Variants in RBFOX1 observed in about 807,000 individuals in gnomAD.
The protein encoded by RBFOX1 is RNA binding fox-1 homolog 1.
Under a neutral mutation model 57.7 loss-of-function variants are expected in RBFOX1, and 8 were observed. The ratio of observed to expected loss-of-function variants is 0.14; its 90% confidence interval spans 0.08 to 0.25. The LOEUF is 0.25. Ranked by LOEUF, RBFOX1 falls within the 10% of genes least tolerant of loss-of-function variation. RBFOX1 has a pLI of 1.00. For missense variants in RBFOX1, 611 were observed against 548.5 expected, an observed-to-expected ratio of 1.11 and a Z score of -1.14; for synonymous variants, 326 against 222.4, an observed-to-expected ratio of 1.47 and a Z score of -4.15.
At position 7,691,818 on chromosome 16, in the gene RBFOX1, T is replaced by C. The variant is rs987124873; in HGVS notation, c.995+14980T>C. ...ATTGGGTAGAGCTGCCCCACCCTCC[T>C]GCCATAGATATGTGAATGCCTAGTG... is the stretch of plus-strand genomic sequence containing the variant. On this transcript the variant is annotated intron_variant, in intron 14 of 15. Coordinates refer to ENST00000550418, the MANE Select transcript of RBFOX1 (RefSeq NM_018723.4). Among the ~76,000 whole-genome samples the C allele has an allele frequency of 4.6e-5, 7 of 152,134 alleles. 1 individual carries two copies. Among genetic ancestry groups the C allele is most frequent in the Admixed American group, 3.9e-4 (6 of 15,248 alleles).
chr16:7,235,523 C>T (rs930072304), intron 4 of RBFOX1, among the ~76,000 whole-genome samples: 37 of 152,230 alleles, frequency 2.4e-4, no homozygotes, highest in African/African-American at 7.7e-4. Context: ...TATGGGCCCC[C>T]GTAGCTTCAT....
chr16:6,599,487 C>G (rs991789059), intron 2 of RBFOX1, among the ~76,000 whole-genome samples: 1 of 152,082 alleles, frequency 6.6e-6, no homozygotes, highest in Non-Finnish European at 1.5e-5. Flanking sequence ...AAGCGACACA[C>G]CTAAAGGGCT....
chr16:6,510,543 C>T (rs966587407), intron 2 of RBFOX1, among the ~76,000 whole-genome samples: 2 of 152,182 alleles, frequency 1.3e-5, no homozygotes, highest in Admixed American at 1.3e-4. Context: ...TCACTGACTA[C>T]CCAAGCAATT....
At chr16:6,197,735 T>A (rs1231624792) in intron 1 of RBFOX1, among the ~76,000 whole-genome samples, 3 of 152,072 alleles carry the variant, frequency 2.0e-5, no homozygotes, top group African/African-American at 7.2e-5. Flanking sequence ...GATTATTGCG[T>A]CACCCAGGTA....
chr16:5,886,625 C>T (rs542825750), intron 4 of RBFOX1, among the ~76,000 whole-genome samples: 6 of 152,322 alleles, frequency 3.9e-5, no homozygotes, highest in South Asian at 4.1e-4. Context: ...CGGTGGCTCA[C>T]GCCTGTCATC....
intron 2 of RBFOX1, among the ~76,000 whole-genome samples, chr16:6,512,247 G>A (rs1472128437): frequency 3.9e-5 from 5 of 128,206 alleles, no homozygotes; most frequent in Admixed American, 2.9e-4. Context: ...TCACACCACT[G>A]CATTCCAGCC....
intron 2 of RBFOX1, among the ~76,000 whole-genome samples, chr16:5,596,493 C>G (rs549975027): frequency 1.4e-3 from 210 of 152,246 alleles, no homozygotes; most frequent in African/African-American, 4.9e-3. Context: ...TTCATGCTGC[C>G]TGGGGCAGGA....
intron 4 of RBFOX1, among the ~76,000 whole-genome samples, chr16:7,452,544 A>G (rs1038186122): frequency 2.6e-5 from 4 of 152,220 alleles, no homozygotes; most frequent in Non-Finnish European, 5.9e-5. Context: ...TCAATGCCTC[A>G]GATCCGGGGT....
At chr16:5,576,224 T>C (rs1375774426) in intron 2 of RBFOX1, among the ~76,000 whole-genome samples, 1 of 152,334 alleles carries the variant, frequency 6.6e-6, no homozygotes. Flanking sequence ...TGACCTCAAG[T>C]GATCCAGGCT....
intron 4 of RBFOX1, among the ~76,000 whole-genome samples, chr16:5,999,306 C>G (rs1035948118): frequency 6.6e-6 from 1 of 152,198 alleles, no homozygotes; most frequent in Admixed American, 6.5e-5. Context: ...CTTCCCCAAA[C>G]TAACTTTGGC....
At chr16:7,148,493 C>A (rs2075476944) in intron 4 of RBFOX1, among the ~76,000 whole-genome samples, 1 of 152,190 alleles carries the variant, frequency 6.6e-6, no homozygotes, top group African/African-American at 2.4e-5. Context: ...TTTCACACGC[C>A]GGCAGGAGGC....
intron 1 of RBFOX1, among the ~76,000 whole-genome samples, chr16:6,113,323 A>T (rs2096465221): frequency 6.6e-6 from 1 of 152,220 alleles, no homozygotes; most frequent in Non-Finnish European, 1.5e-5. Flanking sequence ...AAAGCAAGTT[A>T]TGTGGCCAAA....
chr16:7,399,941 C>T (rs773851206), intron 4 of RBFOX1, among the ~76,000 whole-genome samples: 7 of 152,120 alleles, frequency 4.6e-5, no homozygotes, highest in East Asian at 3.9e-4. Flanking sequence ...TTTCTGTGGG[C>T]GATGACTATG....
At chr16:6,391,913 C>T (rs1211843063) in intron 2 of RBFOX1, among the ~76,000 whole-genome samples, 1 of 152,118 alleles carries the variant, frequency 6.6e-6, no homozygotes, top group Non-Finnish European at 1.5e-5. Context: ...GTTTCGGCAG[C>T]GCTGAGGAGA....
At chr16:7,693,685 G>A (rs1304051279) in intron 14 of RBFOX1, among the ~76,000 whole-genome samples, 1 of 152,124 alleles carries the variant, frequency 6.6e-6, no homozygotes, top group African/African-American at 2.4e-5. Context: ...TAGGGAACAG[G>A]AAGATTAGGT....
At chr16:7,531,484 A>G (rs915807941) in intron 5 of RBFOX1, among the ~76,000 whole-genome samples, 2 of 152,216 alleles carry the variant, frequency 1.3e-5, no homozygotes, top group African/African-American at 4.8e-5. Flanking sequence ...ACATAGAGAA[A>G]TCAAGGATGT....
At chr16:7,541,894 T>A (rs1214362177) in intron 5 of RBFOX1, among the ~76,000 whole-genome samples, 1 of 152,242 alleles carries the variant, frequency 6.6e-6, no homozygotes, top group African/African-American at 2.4e-5. Flanking sequence ...ACAAGCCACA[T>A]GCCTGCAAAG....
chr16:7,231,447 A>G (rs1603410332), intron 4 of RBFOX1, among the ~76,000 whole-genome samples: 2 of 152,296 alleles, frequency 1.3e-5, no homozygotes, highest in Admixed American at 1.3e-4. Flanking sequence ...TAATCAGCTC[A>G]TTTATCATCC....
intron 4 of RBFOX1, among the ~76,000 whole-genome samples, chr16:7,277,516 T>G (rs1372458389): frequency 6.6e-6 from 1 of 152,194 alleles, no homozygotes; most frequent in East Asian, 1.9e-4. Flanking sequence ...GTGTAGCTAG[T>G]GGTAATTGAA....
Sources: gnomAD v4.1 joint callset for allele counts (sites outside exome capture counted in the v4.1 genomes callset) on GRCh38, gnomAD v4.1.1 for gene constraint, MANE v1.5 for transcripts, NCBI Gene and HGNC (gene_info 2026-07-23, HGNC 2026-07-21) for gene names.